ROBO2: variants seen among roughly 807,000 people sequenced by gnomAD.
ROBO2 encodes roundabout guidance receptor 2.
Under a neutral mutation model 160.8 loss-of-function variants are expected in ROBO2, and 53 were observed. The observed-to-expected ratio is 0.33, with a 90% CI of 0.26 to 0.41. The LOEUF (loss-of-function observed/expected upper bound fraction) is 0.41, where lower values mean the gene tolerates loss of function less well. Among genes scored for constraint, ROBO2 ranks in the 10% least tolerant of loss-of-function variants. ROBO2 has a pLI of 1.00. For missense variants in ROBO2, 1,577 were observed against 1,722.4 expected, an observed-to-expected ratio of 0.92 and a Z score of 1.49; for synonymous variants, 664 against 611.7, an observed-to-expected ratio of 1.09 and a Z score of -1.26.
intron 1 of ROBO2, among the ~76,000 whole-genome samples, chr3:77,085,816 A>G (rs1323553458): frequency 1.3e-5 from 2 of 152,070 alleles, no homozygotes; most frequent in Non-Finnish European, 1.5e-5. Context: ...TTTCTAGGAA[A>G]AGTTATTGCT....
chr3:77,472,560 G>T (rs918779204), intron 2 of ROBO2, among the ~76,000 whole-genome samples: 2 of 152,058 alleles, frequency 1.3e-5, no homozygotes, highest in Non-Finnish European at 2.9e-5. Context: ...CTATTTATAT[G>T]TGTTTTCCAG....
At chr3:75,980,315 T>A (rs146632731) in intron 2 of ROBO2, among the ~76,000 whole-genome samples, 9 of 151,690 alleles carry the variant, frequency 5.9e-5, no homozygotes, top group Non-Finnish European at 1.2e-4. Flanking sequence ...CACTTCAGCG[T>A]CTTTAGGGGT....
chr3:76,880,583 T>G (rs1038186633), intron 2 of ROBO2, among the ~76,000 whole-genome samples: 6 of 152,322 alleles, frequency 3.9e-5, no homozygotes, highest in Admixed American at 3.9e-4. Context: ...CTTAAAAATT[T>G]GAATTTTTTG....
chr3:76,073,138 A>C (rs2068517576), intron 2 of ROBO2, among the ~76,000 whole-genome samples: 1 of 152,034 alleles, frequency 6.6e-6, no homozygotes, highest in African/African-American at 2.4e-5. Context: ...TTTGTAGGGG[A>C]GGCTGCTCTC....
chr3:76,865,724 A>G (rs2071300051), intron 2 of ROBO2, among the ~76,000 whole-genome samples: 2 of 152,132 alleles, frequency 1.3e-5, no homozygotes, highest in Non-Finnish European at 2.9e-5. Flanking sequence ...ATTTTGTTTA[A>G]TTACAGGTAT....
chr3:77,042,930 A>C (rs1335231474), intron 1 of ROBO2, among the ~76,000 whole-genome samples: 2 of 152,154 alleles, frequency 1.3e-5, no homozygotes, highest in African/African-American at 2.4e-5. Flanking sequence ...GGCAATATTA[A>C]ATTTTTGTGT....
intron 2 of ROBO2, among the ~76,000 whole-genome samples, chr3:76,648,129 G>A (rs1246088022): frequency 1.3e-5 from 2 of 151,626 alleles, no homozygotes; most frequent in East Asian, 3.9e-4. Flanking sequence ...GTACATTGTT[G>A]CTTATTTCTA....
intron 2 of ROBO2, among the ~76,000 whole-genome samples, chr3:76,923,418 G>A (rs897814531): frequency 6.6e-6 from 1 of 152,220 alleles, no homozygotes; most frequent in Admixed American, 6.5e-5. Flanking sequence ...AACTATGAGT[G>A]TAGTGTAGCT....
At chr3:77,270,525 T>G (rs974384960) in intron 2 of ROBO2, among the ~76,000 whole-genome samples, 2 of 151,700 alleles carry the variant, frequency 1.3e-5, no homozygotes, top group Non-Finnish European at 2.9e-5. Flanking sequence ...TGAAGATTGC[T>G]GTTGGTTTTT....
chr3:77,324,123 A>T (rs888310507), intron 2 of ROBO2, among the ~76,000 whole-genome samples: 4 of 152,220 alleles, frequency 2.6e-5, no homozygotes, highest in African/African-American at 9.6e-5. Flanking sequence ...GTCACAGACT[A>T]TAACCCAGTT....
exon 1 of ROBO2, chr3:75,906,925 C>T (rs1056182018): frequency 6.6e-6 from 1 of 152,340 alleles, no homozygotes; most frequent in Admixed American, 6.5e-5. Context: ...TTCCCTGTCC[C>T]CCTGGGTGGA....
At chr3:76,061,221 G>A (rs916921576) in intron 2 of ROBO2, among the ~76,000 whole-genome samples, 5 of 152,146 alleles carry the variant, frequency 3.3e-5, no homozygotes, top group Non-Finnish European at 7.4e-5. Flanking sequence ...TTAGAGGCTG[G>A]AATTGTTTTG....
rs1384238806 is a variant in ROBO2 at position 77,352,800 on chromosome 3, T to C, written c.389-124614T>C. On this transcript the variant is annotated intron_variant, in intron 2 of 25. Transcript: ENST00000461745. ...TTGAGTTGATCTTCTGTTAGTTCAC[T>C]GTAGACCCCAGATGTGGGAAGTTAC... Among the ~76,000 whole-genome samples, 4 of 152,192 alleles carry C rather than the reference T, an allele frequency of 2.6e-5. No individual in the cohort carries two copies. The East Asian group carries it at 7.7e-4, about 29-fold the overall frequency.
chr3:76,604,941 G>A (rs2087529846), intron 2 of ROBO2, among the ~76,000 whole-genome samples: 1 of 152,096 alleles, frequency 6.6e-6, no homozygotes, highest in Admixed American at 6.6e-5. Flanking sequence ...TGAACAAGAG[G>A]TGCCAGCATA....
Position 77,234,917 on chromosome 3 carries a change from G to A in ROBO2, c.388+136577G>A, listed in dbSNP as rs934767127. On this transcript the variant is annotated intron_variant, in intron 2 of 25. Transcript: ENST00000461745. ...GATGCCAGTATCAAGGGAAGCAATG[G>A]CGTTACTTTAATTCCAAGGGTTTTG... Among the ~76,000 whole-genome samples the A allele has an allele frequency of 2.6e-5, 4 of 152,086 alleles. No homozygotes were observed. In the East Asian group the frequency reaches 7.7e-4, roughly 29 times the overall value.
chr3:77,214,626 T>C (rs1462934767), intron 2 of ROBO2, among the ~76,000 whole-genome samples: 1 of 152,206 alleles, frequency 6.6e-6, no homozygotes, highest in African/African-American at 2.4e-5. Context: ...GTCATTATGA[T>C]GTTAGCTGGT....
chr3:76,052,333 A>C (rs561440956), intron 2 of ROBO2, among the ~76,000 whole-genome samples: 2 of 152,234 alleles, frequency 1.3e-5, no homozygotes, highest in South Asian at 4.1e-4. Context: ...GGACTCACTC[A>C]TGCACACACA....
rs192267897 is a variant in ROBO2 at position 76,374,692 on chromosome 3, C to T, written c.109+437090C>T. 5.6e-3 allele frequency among the ~76,000 whole-genome samples: 852 copies of T among 152,074 alleles called. 6 individuals are homozygous for T. The highest frequency in any genetic ancestry group is 0.019 in the African/African-American group (807 of 41,518). On this transcript the variant is annotated intron_variant, in intron 2 of 26. Coordinates refer to the ROBO2 transcript ENST00000487694. Reference sequence around the variant, plus strand: ...CCTCTGTCTACCTGGGGAAACTAGACAGAATTGAAAATTTAAGCAAAAATT... The same window carrying T: ...CCTCTGTCTACCTGGGGAAACTAGATAGAATTGAAAATTTAAGCAAAAATT...
intron 2 of ROBO2, among the ~76,000 whole-genome samples, chr3:76,563,887 C>T (rs888664051): frequency 6.6e-6 from 1 of 152,156 alleles, no homozygotes; most frequent in Non-Finnish European, 1.5e-5. Context: ...AAGTCCAGGT[C>T]ATAAACAAGC....
Sources: allele counts gnomAD v4.1 joint callset (sites outside exome capture counted in the v4.1 genomes callset), GRCh38; gene constraint gnomAD v4.1.1; transcripts MANE v1.5; gene names NCBI Gene and HGNC (gene_info 2026-07-23, HGNC 2026-07-21).